The following CALN1 variants were observed in gnomAD, a reference collection of about 807,000 sequenced individuals.
CALN1 encodes calcium-binding protein 8.
A neutral mutation model predicts 30.6 loss-of-function variants in CALN1; 17 were observed. The observed-to-expected ratio is 0.56, with a 90% confidence interval of 0.38 to 0.83. The LOEUF (loss-of-function observed/expected upper bound fraction) is 0.83, where lower values mean the gene tolerates loss of function less well. Ranked by LOEUF, CALN1 falls within the 40% of genes least tolerant of loss-of-function variation. CALN1 has a pLI of 0.00. For synonymous variants in CALN1, 156 were observed against 131.4 expected (o/e 1.19, Z -1.28); for missense variants, 291 against 354.9 (o/e 0.82, Z 1.45).
At chr7:72,357,485 T>C (rs963312069) in intron 2 of CALN1, among the ~76,000 whole-genome samples, 12 of 151,852 alleles carry the variant, frequency 7.9e-5, no homozygotes, top group African/African-American at 2.9e-4. Flanking sequence ...TAGAGAAAAG[T>C]GTGTGCTGAT....
intron 5 of CALN1, among the ~76,000 whole-genome samples, chr7:71,942,758 G>A (rs1019207232): frequency 6.6e-6 from 1 of 152,082 alleles, no homozygotes; most frequent in Admixed American, 6.6e-5. Flanking sequence ...TCTGTAGTAC[G>A]AAAGGAAAAT....
At chr7:72,198,424 A>G (rs528553990) in intron 3 of CALN1, among the ~76,000 whole-genome samples, 1 of 152,340 alleles carries the variant, frequency 6.6e-6, no homozygotes, top group Non-Finnish European at 1.5e-5. Context: ...CATCACTGTT[A>G]TCAAGCCATA....
intron 3 of CALN1, among the ~76,000 whole-genome samples, chr7:72,225,925 G>A (rs112443374): frequency 3.9e-5 from 6 of 151,934 alleles, no homozygotes; most frequent in Admixed American, 2.0e-4. Context: ...GTGAAACTCC[G>A]TCTCTACTAA....
At chr7:71,795,648 C>G (rs1411792237) in intron 6 of CALN1, among the ~76,000 whole-genome samples, 1 of 152,108 alleles carries the variant, frequency 6.6e-6, no homozygotes, top group African/African-American at 2.4e-5. Flanking sequence ...GCTCGCTCTG[C>G]AGCCCCAGGC....
intron 5 of CALN1, among the ~76,000 whole-genome samples, chr7:71,963,876 A>G (rs1797392719): frequency 1.3e-5 from 2 of 152,312 alleles, no homozygotes; most frequent in Admixed American, 1.3e-4. Flanking sequence ...AACTCATCTA[A>G]CATAAGAGGT....
chr7:72,439,063 G>A (rs1488119915), intron 1 of CALN1, among the ~76,000 whole-genome samples: 7 of 152,182 alleles, frequency 4.6e-5, no homozygotes, highest in Middle Eastern at 3.4e-3. Context: ...TGGAGACAGC[G>A]CATCACTCTG....
At chr7:71,862,347 G>A (rs904336941) in intron 5 of CALN1, among the ~76,000 whole-genome samples, 3 of 152,186 alleles carry the variant, frequency 2.0e-5, no homozygotes, top group Admixed American at 1.3e-4. Flanking sequence ...TGTCATAGGA[G>A]GGACCCAGTG....
intron 1 of CALN1, among the ~76,000 whole-genome samples, chr7:72,408,836 C>T (rs1458610242): frequency 1.3e-5 from 2 of 151,702 alleles, no homozygotes; most frequent in Non-Finnish European, 2.9e-5. Flanking sequence ...CACCATCACT[C>T]CTGGCTAATT....
intron 2 of CALN1, among the ~76,000 whole-genome samples, chr7:72,369,533 G>T (rs1326125773): frequency 6.6e-6 from 1 of 151,646 alleles, no homozygotes; most frequent in African/African-American, 2.4e-5. Flanking sequence ...GGCTAATTTT[G>T]TATTTTTAGT....
chr7:72,126,847 T>C (rs931019986), intron 3 of CALN1, among the ~76,000 whole-genome samples: 14 of 152,034 alleles, frequency 9.2e-5, no homozygotes, highest in Non-Finnish European at 1.8e-4. Flanking sequence ...CTATAATACA[T>C]ATTGGGTACA....
At chr7:71,992,790 G>A (rs936792751) in intron 5 of CALN1, among the ~76,000 whole-genome samples, 3 of 152,250 alleles carry the variant, frequency 2.0e-5, no homozygotes, top group South Asian at 2.1e-4. Flanking sequence ...CCGAAATATC[G>A]TTATTAAATC....
rs185413905 is a variant in CALN1, at chr7:72,300,780, G to T, written c.120-21970C>A. Among the ~76,000 whole-genome samples, 69 of 152,248 alleles carry T rather than the reference G, an allele frequency of 4.5e-4. 3 individuals carry two copies. The East Asian group carries it at 0.013, about 29-fold the overall frequency. On this transcript the variant is annotated intron_variant, in intron 2 of 6. Coordinates refer to ENST00000395275, the MANE Select transcript of CALN1 (RefSeq NM_031468.4). The stretch of plus-strand genomic sequence containing the variant: ...GCCAAGAGGGGGCAGATCACTTGAG[G>T]TCAGGAGTTCGAGACCAGCCTGGCC...
At chr7:72,098,761 C>CT (rs760492515) in intron 4 of CALN1, among the ~76,000 whole-genome samples, 15 of 6,612 alleles carry the variant, frequency 2.3e-3, no homozygotes, top group African/African-American at 7.3e-3. Flanking sequence ...GCCCATTTGG[C>CT]GCGCACACAC....
At chr7:71,815,602 C>T (rs917554372) in intron 5 of CALN1, among the ~76,000 whole-genome samples, 1 of 152,126 alleles carries the variant, frequency 6.6e-6, no homozygotes, top group African/African-American at 2.4e-5. Flanking sequence ...GTGGTTTCTG[C>T]AGTGTAACTT....
intron 3 of CALN1, among the ~76,000 whole-genome samples, chr7:72,221,481 C>T (rs887482999): frequency 1.3e-5 from 2 of 151,978 alleles, no homozygotes; most frequent in Non-Finnish European, 2.9e-5. Flanking sequence ...TCGTGCCTGG[C>T]TAATTTTTTT....
chr7:72,314,319 G>A (rs1389794557), intron 2 of CALN1, among the ~76,000 whole-genome samples: 2 of 151,362 alleles, frequency 1.3e-5, no homozygotes, highest in Admixed American at 6.6e-5. Context: ...TCTAAGCTAT[G>A]TGCAATACAC....
At chr7:72,106,329 C>T in intron 3 of CALN1, 35 bp from the exon 4 acceptor site, 2 of 1,612,260 alleles carry the variant, frequency 1.2e-6, no homozygotes, top group Non-Finnish European at 1.7e-6. Context: ...CCAGTGGTCA[C>T]ATGGCTGGCT....
rs537864927 is a variant in CALN1, at chr7:72,103,004, C to T, written c.388+3147G>A. On this transcript the variant is annotated intron_variant, in intron 4 of 6. Transcript: ENST00000395275. ...AGGAGAATTGCTTAAACCCGGGAAG[C>T]GGAGGTTGCAGTGAGCAGAGATTGT... Among the ~76,000 whole-genome samples the T allele has an allele frequency of 5.8e-5, 8 of 138,222 alleles. No individual in the cohort carries two copies. The South Asian group carries it at 1.1e-3, about 20-fold the overall frequency. The allele number at this position is 138,222 out of a possible 152,430, so 90.7% of individuals were successfully genotyped here.
At chr7:72,204,227 C>T (rs1408408383) in intron 3 of CALN1, among the ~76,000 whole-genome samples, 1 of 151,334 alleles carries the variant, frequency 6.6e-6, no homozygotes, top group Non-Finnish European at 1.5e-5. Context: ...CATCTCCTGA[C>T]CTCGTGATTC....
Sources: gnomAD v4.1 joint callset for allele counts (sites outside exome capture counted in the v4.1 genomes callset) on GRCh38, gnomAD v4.1.1 for gene constraint, MANE v1.5 for transcripts, NCBI Gene and HGNC (gene_info 2026-07-23, HGNC 2026-07-21) for gene names.